Variants in ANKRD49 observed in about 807,000 individuals in gnomAD.
ANKRD49 encodes ankyrin repeat domain-containing protein 49.
Under a neutral mutation model 19.6 loss-of-function variants are expected in ANKRD49, and 18 were observed. That is an observed-to-expected ratio of 0.92 (90% CI 0.63 to 1.36). The LOEUF (loss-of-function observed/expected upper bound fraction) is 1.36, where lower values mean the gene tolerates loss of function less well. Ranked by LOEUF, ANKRD49 falls within the 40% of genes most tolerant of loss-of-function variation. The probability of loss-of-function intolerance (pLI) is 0.00; values close to 1 mark genes in which losing one functional copy is unlikely to be tolerated. For missense variants in ANKRD49, 218 were observed against 281.6 expected (o/e 0.77, Z 1.62); for synonymous variants, 88 against 101.8 (o/e 0.86, Z 0.82).
rs1479670740 is a variant in ANKRD49 at position 94,498,204 on chromosome 11, G to T, written c.392G>T (p.Gly131Val). Residue 131 changes from glycine (G) to valine (V), a missense_variant, in exon 3 of 3, where the codon GGG becomes GTG. Physicochemically the swap from Gly to Val is moderately radical, Grantham distance 109. Coordinates refer to ENST00000544612, the MANE Select transcript of ANKRD49 (RefSeq NM_017704.3). ...ATTGTTCAGGAGCTCATTGCACAGG[G>T]GGCCGATGTTCATGCAGTGACTGTG... ...LDIVQELIAQGADVHAVTVDG... is the reference protein window; with the variant it reads ...LDIVQELIAQVADVHAVTVDG... 6.2e-7 allele frequency: 1 copy of T among 1,614,016 alleles called. No homozygotes were observed. The highest frequency in any genetic ancestry group is 8.5e-7 in the Non-Finnish European group (1 of 1,180,038).
chr11:94,497,038 TC>T (rs1947426461), intron 2 of ANKRD49, 87 bp downstream of exon 2: 1 of 1,533,552 alleles, frequency 6.5e-7, no homozygotes, highest in African/African-American at 1.4e-5. Context: ...GTTATGGCCA[TC>T]ATACCTATCT....
intron 1 of ANKRD49, among the ~76,000 whole-genome samples, chr11:94,496,189 G>C (rs1045546139): frequency 6.6e-6 from 1 of 152,058 alleles, no homozygotes; most frequent in African/African-American, 2.4e-5. Flanking sequence ...CTGATTCTTC[G>C]AAATAGTATT....
chr11:94,494,202 T>C (rs563669721), intron 1 of ANKRD49, 167 bp downstream of exon 1: 1 of 152,210 alleles, frequency 6.6e-6, no homozygotes, highest in South Asian at 2.1e-4. Flanking sequence ...CGCTCTTGGC[T>C]GTTTGGAAGG....
At chr11:94,497,799 C>T (rs1042134481) in intron 2 of ANKRD49, 9 of 359,228 alleles carry the variant, frequency 2.5e-5, no homozygotes. Context: ...ATGCAATAAA[C>T]CTTAGTTGGA....
rs1314182443 is a variant in ANKRD49 at position 94,497,323 on chromosome 11, T to A, written c.258+372T>A. 5 of 366,728 alleles carry A rather than the reference T, an allele frequency of 1.4e-5. No individual in the cohort carries two copies. In the East Asian group the frequency reaches 2.1e-4, roughly 15 times the overall value. 22.7% of individuals were successfully genotyped at this position (366,728 alleles called of 1,614,324 possible). A position where few individuals can be genotyped will look rare whatever the true frequency, so the allele number is the denominator to read the frequency against. On this transcript the variant is annotated intron_variant, in intron 2 of 2. Transcript: ENST00000544612. ...TCCCTATAAGTAATATTCTTCTCTTTTATAGAGTAAGAAATTGAGATTCAG... is the reference window on the plus strand; with the variant it reads ...TCCCTATAAGTAATATTCTTCTCTTATATAGAGTAAGAAATTGAGATTCAG...
chr11:94,494,436 A>T (rs1183183852), intron 1 of ANKRD49, among the ~76,000 whole-genome samples: 1 of 152,200 alleles, frequency 6.6e-6, no homozygotes, highest in Non-Finnish European at 1.5e-5. Flanking sequence ...TTTCAGTTCC[A>T]TTGAAGGGTC....
Position 94,498,196 on chromosome 11 carries a change from T to C in ANKRD49, c.384T>C (p.Ile128=), listed in dbSNP as rs376191942. 5 of 1,614,048 alleles carry C rather than the reference T, an allele frequency of 3.1e-6. No individual in the cohort carries two copies. The African/African-American group carries it at 5.3e-5, about 17-fold the overall frequency. The change falls in exon 3 of 3, where the codon ATT becomes ATC. Residue 128 remains isoleucine, a synonymous_variant. Coordinates refer to ENST00000544612, the MANE Select transcript of ANKRD49 (RefSeq NM_017704.3). ...ACTTAGATATTGTTCAGGAGCTCAT[T>C]GCACAGGGGGCCGATGTTCATGCAG... ...SGHLDIVQEL[I]AQGADVHAVT...
chr11:94,499,265 A>T lies in ANKRD49; in HGVS notation c.*733A>T, dbSNP rs1947459179. ...TGACCTTGTAGACATGCACACAACT[A>T]TACCTTTGTCCAACAGATCATAATA... On this transcript the variant is annotated 3_prime_UTR_variant, in exon 3 of 3. Coordinates refer to ENST00000544612, the MANE Select transcript of ANKRD49 (RefSeq NM_017704.3). 1 of 152,874 alleles carries T rather than the reference A, an allele frequency of 6.5e-6. No homozygotes were observed. Among genetic ancestry groups the T allele is most frequent in the Admixed American group, 6.5e-5 (1 of 15,300 alleles). 9.5% of individuals were successfully genotyped at this position (152,874 alleles called of 1,614,324 possible).
At chr11:94,495,649 T>G (rs776451133) in intron 1 of ANKRD49, among the ~76,000 whole-genome samples, 1 of 152,226 alleles carries the variant, frequency 6.6e-6, no homozygotes, top group Non-Finnish European at 1.5e-5. Flanking sequence ...TGTGTAACCC[T>G]TTAAGCTGAT....
At position 94,498,794 on chromosome 11, in the gene ANKRD49, G is replaced by A. The variant is rs567234354; in HGVS notation, c.*262G>A. On this transcript the variant is annotated 3_prime_UTR_variant, in exon 3 of 3. Coordinates refer to ENST00000544612, the MANE Select transcript of ANKRD49 (RefSeq NM_017704.3). ...GTGTGTATACTTAAAAACTTGACAC[G>A]GGTTGTACAGAAACTGGTATTTTTG... is the stretch of plus-strand genomic sequence containing the variant. The A allele has an allele frequency of 5.2e-5, 22 of 420,776 alleles. No homozygotes were observed. Among genetic ancestry groups the A allele is most frequent in the Non-Finnish European group, 8.9e-5 (21 of 236,252 alleles). 26.1% of individuals were successfully genotyped at this position (420,776 alleles called of 1,614,324 possible).
chr11:94,495,265 T>C (rs1249617258), intron 1 of ANKRD49, among the ~76,000 whole-genome samples: 7 of 152,160 alleles, frequency 4.6e-5, no homozygotes, highest in Non-Finnish European at 7.4e-5. Context: ...CTCTGGAACT[T>C]CTCAGAATCC....
At chr11:94,496,011 T>C (rs1267904141) in intron 1 of ANKRD49, among the ~76,000 whole-genome samples, 1 of 152,198 alleles carries the variant, frequency 6.6e-6, no homozygotes, top group Non-Finnish European at 1.5e-5. Context: ...AGAACTATAG[T>C]TGCCTATCAA....
chr11:94,498,532 A>C lies in ANKRD49; in HGVS notation c.720A>C (p.Ter240TyrextTer3). 6.2e-7 allele frequency: 1 copy of C among 1,602,806 alleles called. No homozygotes were observed. Among genetic ancestry groups the C allele is most frequent in the Non-Finnish European group, 8.5e-7 (1 of 1,174,092 alleles). The change falls in exon 3 of 3, where the codon TAA becomes TAC. Residue 240 changes from the stop codon to tyrosine (Y), a stop_lost. Coordinates refer to ENST00000544612, the MANE Select transcript of ANKRD49 (RefSeq NM_017704.3). ...EGCTNSSPQS[*>Y] ...GTACAAATTCTTCACCTCAGTCTTA[A>C]CAATTCTAGTAATTTTCCTAAGTTT...
In ANKRD49 at chr11:94,498,514, T is replaced by C; in HGVS notation, c.702T>C (p.Asn234=). Residue 234 remains asparagine, a synonymous_variant, in exon 3 of 3, where the codon AAT becomes AAC. Coordinates refer to ENST00000544612, the MANE Select transcript of ANKRD49 (RefSeq NM_017704.3). ...TTGAAATTGTGGAAGGCTGTACAAA[T>C]TCTTCACCTCAGTCTTAACAATTCT... ...YLFEIVEGCT[N]SSPQS 1 of 1,613,074 alleles carries C rather than the reference T, an allele frequency of 6.2e-7. No homozygotes were observed.
In ANKRD49 at chr11:94,498,209, G is replaced by A. The variant is rs370895848; in HGVS notation, c.397G>A (p.Asp133Asn). The part of the protein sequence containing the change: ...IVQELIAQGA[D>N]VHAVTVDGWT... ...TCAGGAGCTCATTGCACAGGGGGCC[G>A]ATGTTCATGCAGTGACTGTGGATGG... The change falls in exon 3 of 3, where the codon GAT (aspartate) becomes AAT (asparagine). Residue 133 changes from aspartate to asparagine, a missense_variant. Physicochemically the swap from Asp to Asn is conservative, Grantham distance 23. Coordinates refer to ENST00000544612, the MANE Select transcript of ANKRD49 (RefSeq NM_017704.3). The A allele has an allele frequency of 5.6e-6, 9 of 1,614,034 alleles. No individual in the cohort carries two copies. The highest frequency in any genetic ancestry group is 2.2e-5 in the East Asian group (1 of 44,902).
At position 94,499,194 on chromosome 11, in the gene ANKRD49, C is replaced by CA. The variant is rs1226163945; in HGVS notation, c.*663dup. ...CACAATCCTGTGGATAGTCCTACCTCACCCTGGTCAACCTACATGATCCTT... is the reference window on the plus strand; with the variant it reads ...CACAATCCTGTGGATAGTCCTACCTCAACCCTGGTCAACCTACATGATCCTT... On this transcript the variant is annotated 3_prime_UTR_variant, in exon 3 of 3. Coordinates refer to ENST00000544612, the MANE Select transcript of ANKRD49 (RefSeq NM_017704.3). 1 of 153,076 alleles carries CA rather than the reference C, an allele frequency of 6.5e-6. No homozygotes were observed. The highest frequency in any genetic ancestry group is 1.5e-5 in the Non-Finnish European group (1 of 68,418). 9.5% of individuals were successfully genotyped at this position (153,076 alleles called of 1,614,324 possible). A position where few individuals can be genotyped will look rare whatever the true frequency, so the allele number is the denominator to read the frequency against.
In ANKRD49 at chr11:94,496,761, A is replaced by G. The variant is rs761267499; in HGVS notation, c.68A>G (p.His23Arg). ...DQENSLDFSE[H>R]FNQLELLETH... ...GAGAATTCCTTGGATTTTTCTGAAC[A>G]CTTTAACCAACTTGAATTGTTGGAA... Residue 23 changes from histidine (H) to arginine (R), a missense_variant, in exon 2 of 3, where the codon CAC becomes CGC. By Grantham distance (29) the His-to-Arg change is conservative (BLOSUM62 0). Transcript: ENST00000544612. The G allele has an allele frequency of 6.2e-7, 1 of 1,613,056 alleles. No individual in the cohort carries two copies. Among genetic ancestry groups the G allele is most frequent in the South Asian group, 1.1e-5 (1 of 90,740 alleles).
intron 1 of ANKRD49, among the ~76,000 whole-genome samples, chr11:94,495,615 T>C (rs2135159330): frequency 6.6e-6 from 1 of 152,346 alleles, no homozygotes. Flanking sequence ...TCTCCTTTTC[T>C]TTAATTGATT....
At chr11:94,497,299 C>T (rs2135161747) in intron 2 of ANKRD49, 1 of 436,306 alleles carries the variant, frequency 2.3e-6, no homozygotes, top group Middle Eastern at 6.0e-4. Flanking sequence ...CATCATGTAT[C>T]CCTATAAGTA....
Sources: allele counts gnomAD v4.1 joint callset (sites outside exome capture counted in the v4.1 genomes callset), GRCh38; gene constraint gnomAD v4.1.1; transcripts MANE v1.5; gene names NCBI Gene and HGNC (gene_info 2026-07-23, HGNC 2026-07-21).